Variants in ARHGAP42 observed in about 807,000 individuals in gnomAD.
The protein encoded by ARHGAP42 is Rho GTPase activating protein 42, also known as rho GTPase-activating protein 42.
A neutral mutation model predicts 125.0 loss-of-function variants in ARHGAP42; 63 were observed. That is an observed-to-expected ratio of 0.50 (90% CI 0.41 to 0.62). The LOEUF (loss-of-function observed/expected upper bound fraction) is 0.62, where lower values mean the gene tolerates loss of function less well. Ranked by LOEUF, ARHGAP42 falls within the 20% of genes least tolerant of loss-of-function variation. The probability of loss-of-function intolerance (pLI) is 0.00; values close to 1 mark genes in which losing one functional copy is unlikely to be tolerated. For synonymous variants in ARHGAP42, 339 were observed against 351.0 expected (o/e 0.97, Z 0.38); for missense variants, 766 against 1,024.2 (o/e 0.75, Z 3.44).
chr11:100,735,099 C>T (rs910564686), intron 1 of ARHGAP42, among the ~76,000 whole-genome samples: 2 of 152,212 alleles, frequency 1.3e-5, no homozygotes, highest in Non-Finnish European at 2.9e-5. Context: ...TGAAAGTTCC[C>T]ACCAGACCCC....
rs373127908 is a variant in ARHGAP42, at chr11:100,852,352, A to G, written c.313-7202A>G. Among the ~76,000 whole-genome samples the G allele has an allele frequency of 8.5e-5, 13 of 152,166 alleles. No individual in the cohort carries two copies. In the East Asian group the frequency reaches 1.2e-3, roughly 14 times the overall value. ...ATATGACTGGGAATTTATTTAATGC[A>G]TTTTATTTGCTTTTAAACTTGCAAA... is the stretch of plus-strand genomic sequence containing the variant. On this transcript the variant is annotated intron_variant, in intron 3 of 23. Transcript: ENST00000298815.
At chr11:100,788,138 C>T (rs753460787) in intron 2 of ARHGAP42, among the ~76,000 whole-genome samples, 22 of 152,132 alleles carry the variant, frequency 1.4e-4, no homozygotes, top group South Asian at 4.1e-4. Context: ...CTAGTAAGCT[C>T]CTCCAACTTG....
At chr11:100,773,329 G>A (rs1488290818) in intron 2 of ARHGAP42, among the ~76,000 whole-genome samples, 1 of 152,002 alleles carries the variant, frequency 6.6e-6, no homozygotes, top group African/African-American at 2.4e-5. Flanking sequence ...CTAATACAAT[G>A]ATATATATAA....
intron 4 of ARHGAP42, among the ~76,000 whole-genome samples, chr11:100,880,580 T>C (rs1865936202): frequency 6.6e-6 from 1 of 152,188 alleles, no homozygotes; most frequent in African/African-American, 2.4e-5. Flanking sequence ...ATCTTTTTCA[T>C]ATAGTGACTT....
intron 4 of ARHGAP42, among the ~76,000 whole-genome samples, chr11:100,903,751 TATATGTA>T (rs1347363130): frequency 1.6e-5 from 2 of 126,778 alleles, no homozygotes; most frequent in African/African-American, 5.9e-5. Flanking sequence ...TATATATATA[TATATGTA>T]TGTAAAGGAA....
At chr11:100,964,613 A>G (rs1858042589) in intron 16 of ARHGAP42, among the ~76,000 whole-genome samples, 1 of 152,154 alleles carries the variant, frequency 6.6e-6, no homozygotes, top group Admixed American at 6.5e-5. Context: ...CCCAGAATTT[A>G]TTTGCTGCAG....
chr11:100,795,258 A>G lies in ARHGAP42; in HGVS notation c.312+92A>G. The G allele has an allele frequency of 2.3e-6, 2 of 881,728 alleles. 1 individual carries two copies. The highest frequency in any genetic ancestry group is 4.5e-5 in the South Asian group (2 of 44,020). 54.6% of individuals were successfully genotyped at this position (881,728 alleles called of 1,614,324 possible). A position where few individuals can be genotyped will look rare whatever the true frequency, so the allele number is the denominator to read the frequency against. On this transcript the variant is annotated intron_variant, in intron 3 of 23. Transcript: ENST00000298815. ...TTCCTGAACTAGAGAACTTTATACA[A>G]GGCCTTATGATTTGACACGTCTACT... is the stretch of plus-strand genomic sequence containing the variant.
At chr11:100,824,265 C>CTTA (rs1565229780) in intron 3 of ARHGAP42, among the ~76,000 whole-genome samples, 1 of 152,128 alleles carries the variant, frequency 6.6e-6, no homozygotes, top group Non-Finnish European at 1.5e-5. Context: ...TCTGCACATG[C>CTTA]TTACATAGAT....
At chr11:100,817,012 T>C (rs1262340430) in intron 3 of ARHGAP42, among the ~76,000 whole-genome samples, 1 of 152,116 alleles carries the variant, frequency 6.6e-6, no homozygotes, top group Non-Finnish European at 1.5e-5. Flanking sequence ...ACAGCTAAAG[T>C]CTCAGGAAGC....
At position 100,961,006 on chromosome 11, in the gene ARHGAP42, G is replaced by A; in HGVS notation, c.1300+17G>A. On this transcript the variant is annotated intron_variant, in intron 14 of 23. Transcript: ENST00000298815. The stretch of plus-strand genomic sequence containing the variant: ...CCACATTTTGTAAGTTTTGGATGAA[G>A]CAACTTACATAATTTTTGTGTTCTT... The A allele has an allele frequency of 2.0e-6, 3 of 1,506,950 alleles. No homozygotes were observed. Among genetic ancestry groups the A allele is most frequent in the Non-Finnish European group, 2.7e-6 (3 of 1,119,620 alleles). 93.3% of individuals were successfully genotyped at this position (1,506,950 alleles called of 1,614,324 possible).
chr11:100,802,633 C>T (rs1049052327), intron 3 of ARHGAP42, among the ~76,000 whole-genome samples: 2 of 54,594 alleles, frequency 3.7e-5, no homozygotes, highest in Non-Finnish European at 8.1e-5. Context: ...AGGTTTCACC[C>T]TGTTGGCGAG....
chr11:100,892,910 C>T (rs1166332435), intron 4 of ARHGAP42, among the ~76,000 whole-genome samples: 1 of 152,142 alleles, frequency 6.6e-6, no homozygotes. Context: ...AATATCTCAG[C>T]TTCAGTCCAT....
chr11:100,780,342 T>A lies in ARHGAP42; in HGVS notation c.250+9904T>A, dbSNP rs965634028. Reference sequence around the variant, plus strand: ...AAAATAATCTCAACAAAATAATTAGTGTAATAAATGCTATGACCTATGCTA... The same window carrying A: ...AAAATAATCTCAACAAAATAATTAGAGTAATAAATGCTATGACCTATGCTA... On this transcript the variant is annotated intron_variant, in intron 2 of 23. Transcript: ENST00000298815. Among the ~76,000 whole-genome samples the A allele has an allele frequency of 2.0e-5, 3 of 152,334 alleles. No individual in the cohort carries two copies. The East Asian group carries it at 5.8e-4, about 29-fold the overall frequency.
intron 6 of ARHGAP42, among the ~76,000 whole-genome samples, chr11:100,928,844 T>C (rs1216869750): frequency 1.3e-5 from 2 of 152,196 alleles, no homozygotes; most frequent in African/African-American, 4.8e-5. Context: ...TCTGGGCCTT[T>C]CATACAAATG....
intron 5 of ARHGAP42, among the ~76,000 whole-genome samples, chr11:100,919,666 T>A (rs2135240912): frequency 6.6e-6 from 1 of 152,236 alleles, no homozygotes; most frequent in African/African-American, 2.4e-5. Context: ...CCTCTCAAAG[T>A]GCTGGGATTA....
intron 4 of ARHGAP42, among the ~76,000 whole-genome samples, chr11:100,870,720 T>G: frequency 6.6e-6 from 1 of 152,184 alleles, no homozygotes; most frequent in East Asian, 1.9e-4. Context: ...CACACTTATG[T>G]TTTAGAGTTC....
At position 100,770,429 on chromosome 11, in the gene ARHGAP42, A is replaced by G. The variant is rs1862944536; in HGVS notation, c.241A>G (p.Ile81Val). 1 of 1,547,986 alleles carries G rather than the reference A, an allele frequency of 6.5e-7. No individual in the cohort carries two copies. Among genetic ancestry groups the G allele is most frequent in the East Asian group, 2.4e-5 (1 of 40,834 alleles). ...TGGTGATGCTGAAACAGATGATGAA[A>G]TTAGTATTGGTAAGTACTACTGTTT... ...CIGDAETDDE[I>V]SIAQSLKEFA... Residue 81 changes from isoleucine (I) to valine (V), a missense_variant, in exon 2 of 24, where the codon ATT becomes GTT. Ile to Val is a conservative substitution (Grantham distance 29). Around this residue, in one of 3 missense-constraint regions of ARHGAP42, gnomAD observed 455 missense variants for 636.5 expected, o/e 0.71. Coordinates refer to ENST00000298815, the MANE Select transcript of ARHGAP42 (RefSeq NM_152432.4).
intron 3 of ARHGAP42, among the ~76,000 whole-genome samples, chr11:100,851,841 C>T: frequency 6.6e-6 from 1 of 152,152 alleles, no homozygotes; most frequent in Non-Finnish European, 1.5e-5. Context: ...ATGTTGTATG[C>T]ACATGCATGC....
At position 100,980,559 on chromosome 11, in the gene ARHGAP42, C is replaced by CTTTTTTTTTTTTTTT. The variant is rs763302463; in HGVS notation, c.2456+1526_2456+1540dup. ...TCAAATCATACTTCTTTTTCTTCTTCTTTTTTTTTTTTTTTTTTTTTTTTT... is the reference window on the plus strand; with the variant it reads ...TCAAATCATACTTCTTTTTCTTCTTCTTTTTTTTTTTTTTTTTTTTTTTTTTTTTTTTTTTTTTTT... On this transcript the variant is annotated intron_variant, in intron 22 of 23. Transcript: ENST00000298815. Among the ~76,000 whole-genome samples, 62 of 51,948 alleles carry CTTTTTTTTTTTTTTT rather than the reference C, an allele frequency of 1.2e-3. 1 individual carries two copies. The highest frequency in any genetic ancestry group is 2.6e-3 in the East Asian group (3 of 1,164). 34.1% of individuals were successfully genotyped at this position (51,948 alleles called of 152,430 possible).
Sources: gnomAD v4.1 joint callset for allele counts (sites outside exome capture counted in the v4.1 genomes callset) on GRCh38, gnomAD v4.1.1 for gene constraint, gnomAD v4.1.1 regional missense constraint, MANE v1.5 for transcripts, NCBI Gene and HGNC (gene_info 2026-07-23, HGNC 2026-07-21) for gene names.